The following LRRC7 variants were observed in gnomAD, a reference collection of about 807,000 sequenced individuals.
The protein encoded by LRRC7 is leucine rich repeat containing 7, also known as leucine-rich repeat-containing protein 7.
LRRC7 carries 23 observed loss-of-function variants against 175.7 expected under a neutral mutation model. The ratio of observed to expected loss-of-function variants is 0.13; its 90% CI spans 0.09 to 0.19. The LOEUF is 0.19. Among genes scored for constraint, LRRC7 ranks in the 10% least tolerant of loss-of-function variants. LRRC7 has a pLI of 1.00. For synonymous variants in LRRC7, 685 were observed against 680.9 expected, an observed-to-expected ratio of 1.01 and a Z score of -0.09; for missense variants, 1,354 against 1,904.7, an observed-to-expected ratio of 0.71 and a Z score of 5.38.
chr1:69,578,800 G>A (rs1054455370), intron 1 of LRRC7, among the ~76,000 whole-genome samples: 124 of 103,214 alleles, frequency 1.2e-3, no homozygotes, highest in Non-Finnish European at 3.1e-4. Context: ...TGTGGGGTGG[G>A]GGGAGGGGGG....
At chr1:69,928,092 A>G (rs562730648) in intron 7 of LRRC7, among the ~76,000 whole-genome samples, 3 of 152,138 alleles carry the variant, frequency 2.0e-5, no homozygotes, top group Non-Finnish European at 2.9e-5. Context: ...TTGCCTGGGT[A>G]TCAGCAGCGG....
chr1:69,981,031 T>C (rs182067011), intron 9 of LRRC7, among the ~76,000 whole-genome samples: 18 of 152,232 alleles, frequency 1.2e-4, no homozygotes, highest in Admixed American at 8.5e-4. Context: ...AGTTTACCAG[T>C]CAACTCATTG....
At chr1:69,913,255 G>C (rs1050078985) in intron 7 of LRRC7, among the ~76,000 whole-genome samples, 4 of 151,990 alleles carry the variant, frequency 2.6e-5, no homozygotes, top group Non-Finnish European at 5.9e-5. Context: ...TGTTTAATTT[G>C]GTCACATATC....
At chr1:69,688,422 G>T (rs1661440936) in intron 2 of LRRC7, among the ~76,000 whole-genome samples, 2 of 152,120 alleles carry the variant, frequency 1.3e-5, no homozygotes, top group South Asian at 4.1e-4. Context: ...GCAACATGGG[G>T]TGGGGGAAAA....
intron 5 of LRRC7, among the ~76,000 whole-genome samples, chr1:69,829,360 A>G (rs1680280028): frequency 6.6e-6 from 1 of 151,864 alleles, no homozygotes; most frequent in Admixed American, 6.6e-5. Flanking sequence ...ATATATATAG[A>G]TGTACATTTT....
At chr1:69,929,406 C>T (rs534550967) in intron 7 of LRRC7, among the ~76,000 whole-genome samples, 3 of 152,318 alleles carry the variant, frequency 2.0e-5, no homozygotes, top group African/African-American at 7.2e-5. Context: ...TGGTCTTCCT[C>T]ATCAGTCACT....
intron 8 of LRRC7, among the ~76,000 whole-genome samples, chr1:69,940,760 A>C (rs969734867): frequency 4.6e-5 from 7 of 152,048 alleles, no homozygotes; most frequent in African/African-American, 7.2e-5. Flanking sequence ...AAATCACCCC[A>C]AAAAAACAAG....
At chr1:70,089,297 A>G (rs561432007) in intron 24 of LRRC7, among the ~76,000 whole-genome samples, 1 of 152,308 alleles carries the variant, frequency 6.6e-6, no homozygotes, top group Non-Finnish European at 1.5e-5. Flanking sequence ...ATTTATTTAA[A>G]TAGCCATATT....
Position 69,908,110 on chromosome 1 carries a change from G to A in LRRC7, c.648-23397G>A, listed in dbSNP as rs141503460. On this transcript the variant is annotated intron_variant, in intron 7 of 26. Transcript: ENST00000651989. ...TTTCTGTGACATCAGTGGTGATATC[G>A]CCTTTATCATTTTTTATTGCGTCTA... Among the ~76,000 whole-genome samples the A allele has an allele frequency of 3.7e-3, 559 of 152,016 alleles. 2 individuals carry two copies. The highest frequency in any genetic ancestry group is 0.013 in the African/African-American group (522 of 41,464).
chr1:69,788,048 G>A (rs1275420764), intron 3 of LRRC7, among the ~76,000 whole-genome samples: 1 of 151,214 alleles, frequency 6.6e-6, no homozygotes, highest in East Asian at 1.9e-4. Flanking sequence ...CCAAGGCTGA[G>A]AAATACATGT....
rs1267602684 is a variant in LRRC7, at chr1:70,143,118, C to T, written c.*21231C>T. ...ATAATTCAGTTAGTGAAATATTTCA[C>T]TCTTCTGTAAGTTTAAGAAAAATTC... On this transcript the variant is annotated 3_prime_UTR_variant, in exon 27 of 27. Transcript: ENST00000651989. The T allele has an allele frequency of 6.6e-6, 1 of 151,580 alleles. No homozygotes were observed. Among genetic ancestry groups the T allele is most frequent in the African/African-American group, 2.4e-5 (1 of 41,278 alleles). The allele number at this position is 151,580 out of a possible 1,614,324, so 9.4% of individuals were successfully genotyped here.
At chr1:69,975,899 T>A (rs977239679) in intron 8 of LRRC7, among the ~76,000 whole-genome samples, 1 of 152,066 alleles carries the variant, frequency 6.6e-6, no homozygotes, top group Non-Finnish European at 1.5e-5. Context: ...ACTCAGTTTT[T>A]TTTTTTGTAC....
intron 7 of LRRC7, among the ~76,000 whole-genome samples, chr1:69,849,030 T>A (rs1370101858): frequency 4.6e-5 from 7 of 152,126 alleles, no homozygotes; most frequent in African/African-American, 1.4e-4. Flanking sequence ...CTACTTTGCA[T>A]TTCTATTCCT....
In LRRC7 at chr1:69,938,487, A is replaced by G. The variant is rs976442238; in HGVS notation, c.711+6917A>G. On this transcript the variant is annotated intron_variant, in intron 8 of 26. Transcript: ENST00000651989. ...TCAAACAAAAATTTCAAAGAAATGAATTAAAGAAAAATTCCTAGAATAGAG... is the reference window on the plus strand; with the variant it reads ...TCAAACAAAAATTTCAAAGAAATGAGTTAAAGAAAAATTCCTAGAATAGAG... Among the ~76,000 whole-genome samples, 3 of 152,074 alleles carry G rather than the reference A, an allele frequency of 2.0e-5. No individual in the cohort carries two copies. In the South Asian group the frequency reaches 6.2e-4, roughly 31 times the overall value.
chr1:69,852,048 G>A (rs141017820), intron 7 of LRRC7, among the ~76,000 whole-genome samples: 1,766 of 152,122 alleles, frequency 0.012, 24 homozygotes, highest in Non-Finnish European at 0.014. Flanking sequence ...TTGATATACC[G>A]TAAGTCTTTA....
chr1:69,597,414 A>G (rs1646886714), intron 1 of LRRC7, among the ~76,000 whole-genome samples: 1 of 152,196 alleles, frequency 6.6e-6, no homozygotes, highest in Admixed American at 6.5e-5. Context: ...AGACCTTAAT[A>G]TGTTGCCTAA....
At chr1:69,901,325 G>T (rs1319202109) in intron 7 of LRRC7, among the ~76,000 whole-genome samples, 1 of 152,130 alleles carries the variant, frequency 6.6e-6, no homozygotes, top group Non-Finnish European at 1.5e-5. Context: ...GAATGACAGA[G>T]AAAAAAGTTT....
intron 1 of LRRC7, among the ~76,000 whole-genome samples, chr1:69,633,864 A>T (rs1400515156): frequency 6.6e-6 from 1 of 152,134 alleles, no homozygotes; most frequent in Non-Finnish European, 1.5e-5. Context: ...AAATAATATT[A>T]TCTTAATGTT....
chr1:69,889,611 A>C (rs1035575969), intron 7 of LRRC7, among the ~76,000 whole-genome samples: 4 of 152,176 alleles, frequency 2.6e-5, no homozygotes, highest in Non-Finnish European at 2.9e-5. Flanking sequence ...GTTCGCTATC[A>C]ACCTGGGCAA....
Sources: gnomAD v4.1 joint callset for allele counts (sites outside exome capture counted in the v4.1 genomes callset) on GRCh38, gnomAD v4.1.1 for gene constraint, MANE v1.5 for transcripts, NCBI Gene and HGNC (gene_info 2026-07-23, HGNC 2026-07-21) for gene names.